The following OR10J1 variants were observed in gnomAD, a reference collection of about 807,000 sequenced individuals.
The protein encoded by OR10J1 is olfactory receptor 10J1.
For missense variants in OR10J1, 474 were observed against 376.6 expected, an observed-to-expected ratio of 1.26 and a Z score of -2.14; for synonymous variants, 202 against 143.8, an observed-to-expected ratio of 1.40 and a Z score of -2.89.
At chr1:159,439,117 G>A (rs1320148015), upstream of OR10J1, among the ~76,000 whole-genome samples, 1 of 152,188 alleles carries the variant, frequency 6.6e-6, no homozygotes, top group African/African-American at 2.4e-5. Context: ...AGTGGGGAGA[G>A]GCTGGTGGTT....
At chr1:159,409,321 T>C in the OR10J1 span, among the ~76,000 whole-genome samples, 1 of 152,114 alleles carries the variant, frequency 6.6e-6, no homozygotes, top group Admixed American at 6.6e-5. Context: ...TTCTTTTCTT[T>C]TGACTGCTCA....
Position 159,440,423 on chromosome 1 carries a change from GTC to G in OR10J1, c.634_635del (p.Leu212GlyfsTer19). On this transcript the variant is annotated frameshift_variant, in exon 1 of 1. Coordinates refer to ENST00000423932, the MANE Select transcript of OR10J1 (RefSeq NM_012351.3). LOFTEE classifies it low-confidence loss of function (END_TRUNC). ...GTGCTGGTGCTTGTTGTACCTATGG[GTC>G]TGGTTTTCATTTCTTATGTTCTCAT... 6.2e-7 allele frequency: 1 copy of G among 1,614,080 alleles called. No homozygotes were observed. The highest frequency in any genetic ancestry group is 8.5e-7 in the Non-Finnish European group (1 of 1,180,016).
At chr1:159,408,530 G>A in the OR10J1 span, among the ~76,000 whole-genome samples, 3 of 151,522 alleles carry the variant, frequency 2.0e-5, no homozygotes, top group African/African-American at 7.3e-5. Flanking sequence ...ACGAGTTGGT[G>A]GGTGCAGCGC....
At chr1:159,429,480 A>G in the OR10J1 span, among the ~76,000 whole-genome samples, 1 of 152,238 alleles carries the variant, frequency 6.6e-6, no homozygotes, top group Non-Finnish European at 1.5e-5. Context: ...ATCATGAGGC[A>G]TGAGTCCTCT....
chr1:159,437,764 G>C (rs1263634345), upstream of OR10J1: 1 of 152,460 alleles, frequency 6.6e-6, no homozygotes, highest in South Asian at 2.1e-4. Context: ...CCAGCTGCCT[G>C]ATCCTGGGAG....
the OR10J1 span, chr1:159,405,507 C>A: frequency 3.7e-6 from 1 of 272,546 alleles, no homozygotes; most frequent in Non-Finnish European, 7.6e-6. Context: ...TCAAGATCTA[C>A]ATGACAGAGT....
chr1:159,414,699 C>T, the OR10J1 span, among the ~76,000 whole-genome samples: 2 of 152,014 alleles, frequency 1.3e-5, no homozygotes, highest in Non-Finnish European at 2.9e-5. Context: ...AATTTACGTT[C>T]CCACCAATAT....
At chr1:159,411,484 G>A in the OR10J1 span, among the ~76,000 whole-genome samples, 1 of 151,996 alleles carries the variant, frequency 6.6e-6, no homozygotes, top group African/African-American at 2.4e-5. Context: ...ATCTTTGTTG[G>A]TTTAAAGTCT....
chr1:159,414,793 T>C, the OR10J1 span, among the ~76,000 whole-genome samples: 1 of 152,268 alleles, frequency 6.6e-6, no homozygotes, highest in East Asian at 1.9e-4. Context: ...AGATGATATA[T>C]CTCATTGTGG....
chr1:159,419,962 C>G, the OR10J1 span, among the ~76,000 whole-genome samples: 33,142 of 152,072 alleles, frequency 0.22, 4,326 homozygotes, highest in Admixed American at 0.33. Context: ...GAGTCTCTCT[C>G]TCTCTTTAGA....
chr1:159,428,744 G>A, the OR10J1 span, among the ~76,000 whole-genome samples: 1 of 152,126 alleles, frequency 6.6e-6, no homozygotes, highest in Admixed American at 6.6e-5. Context: ...TTTCTGTTGG[G>A]TAAATGTTTG....
chr1:159,410,449 T>G, the OR10J1 span, among the ~76,000 whole-genome samples: 5 of 152,170 alleles, frequency 3.3e-5, no homozygotes, highest in African/African-American at 1.2e-4. Flanking sequence ...GTCAAGGAAT[T>G]TATCCATTTC....
the OR10J1 span, among the ~76,000 whole-genome samples, chr1:159,403,943 T>C: frequency 6.6e-6 from 1 of 152,070 alleles, no homozygotes; most frequent in Non-Finnish European, 1.5e-5. Context: ...AAAAAAAGAA[T>C]GCAATCCAGT....
chr1:159,440,168 T>C lies in OR10J1; in HGVS notation c.377T>C (p.Ile126Thr), dbSNP rs781426343. The change falls in exon 1 of 1, where the codon ATC becomes ACC. Residue 126 changes from isoleucine to threonine, a missense_variant. Physicochemically the swap from Ile to Thr is moderately conservative, Grantham distance 89 (BLOSUM62 -1). Transcript: ENST00000423932. The stretch of plus-strand genomic sequence containing the variant: ...ATGGGATATGACCGCTATGTGGCCA[T>C]CTGCAACCCCCTGAGATACATGGTT... ...TAMGYDRYVA[I>T]CNPLRYMVIM... The C allele has an allele frequency of 4.3e-6, 7 of 1,614,166 alleles. No individual in the cohort carries two copies. The highest frequency in any genetic ancestry group is 5.9e-6 in the Non-Finnish European group (7 of 1,180,026).
chr1:159,412,786 T>G, the OR10J1 span, among the ~76,000 whole-genome samples: 3 of 151,650 alleles, frequency 2.0e-5, no homozygotes, highest in Non-Finnish European at 4.4e-5. Flanking sequence ...GGCAAGGACT[T>G]CATGTCTAAA....
the OR10J1 span, among the ~76,000 whole-genome samples, chr1:159,406,791 A>G: frequency 6.6e-6 from 1 of 152,124 alleles, no homozygotes; most frequent in South Asian, 2.1e-4. Flanking sequence ...ATGTTGATAA[A>G]TATCTGGGTT....
the OR10J1 span, among the ~76,000 whole-genome samples, chr1:159,423,541 T>A: frequency 6.6e-6 from 1 of 152,218 alleles, no homozygotes; most frequent in Non-Finnish European, 1.5e-5. Flanking sequence ...CTAATATAAC[T>A]CACTGTACTT....
At chr1:159,422,036 A>G in the OR10J1 span, among the ~76,000 whole-genome samples, 1 of 152,148 alleles carries the variant, frequency 6.6e-6, no homozygotes, top group Admixed American at 6.5e-5. Flanking sequence ...TGCGCTGTAC[A>G]GGCCTGCAGG....
the OR10J1 span, among the ~76,000 whole-genome samples, chr1:159,397,748 G>C: frequency 6.6e-6 from 1 of 152,196 alleles, no homozygotes; most frequent in Non-Finnish European, 1.5e-5. Context: ...TAGAATACCA[G>C]ATAGTCTCCT....
Sources: gnomAD v4.1 joint callset for allele counts (sites outside exome capture counted in the v4.1 genomes callset) on GRCh38, gnomAD v4.1.1 for gene constraint, MANE v1.5 for transcripts, NCBI Gene and HGNC (gene_info 2026-07-23, HGNC 2026-07-21) for gene names.